Variants in ATXN7 observed in about 807,000 individuals in gnomAD.
ATXN7 encodes ataxin-7.
A neutral mutation model predicts 70.5 loss-of-function variants in ATXN7; 12 were observed. The observed-to-expected ratio is 0.17, with a 90% CI of 0.11 to 0.28. The LOEUF is 0.28. Ranked by LOEUF, ATXN7 falls within the 10% of genes least tolerant of loss-of-function variation. The probability of loss-of-function intolerance (pLI) is 1.00; values close to 1 mark genes in which losing one functional copy is unlikely to be tolerated. For missense variants in ATXN7, 1,256 were observed against 1,131.7 expected (o/e 1.11, Z -1.58); for synonymous variants, 498 against 448.7 (o/e 1.11, Z -1.39).
intron 5 of ATXN7, among the ~76,000 whole-genome samples, chr3:63,967,254 C>T (rs1327922911): frequency 4.6e-5 from 7 of 152,088 alleles, no homozygotes; most frequent in Admixed American, 4.6e-4. Flanking sequence ...TTAGTCAGTC[C>T]TCTAGTGATT....
At chr3:63,952,905 C>G (rs927796877) in intron 5 of ATXN7, among the ~76,000 whole-genome samples, 12 of 106,340 alleles carry the variant, frequency 1.1e-4, no homozygotes, top group African/African-American at 4.5e-4. Context: ...TTCAATAGTT[C>G]TAAATATTGG....
At chr3:63,975,973 C>G (rs1015901753) in intron 5 of ATXN7, among the ~76,000 whole-genome samples, 1 of 152,208 alleles carries the variant, frequency 6.6e-6, no homozygotes, top group Non-Finnish European at 1.5e-5. Context: ...ATTCATCATG[C>G]CCTCCTCATT....
intron 1 of ATXN7, among the ~76,000 whole-genome samples, chr3:63,870,704 C>T (rs1373880428): frequency 6.6e-6 from 1 of 152,076 alleles, no homozygotes; most frequent in Non-Finnish European, 1.5e-5. Flanking sequence ...GCTTAATGTT[C>T]CTATTAATCC....
chr3:63,870,981 T>G (rs1702576576), intron 1 of ATXN7, among the ~76,000 whole-genome samples: 1 of 152,294 alleles, frequency 6.6e-6, no homozygotes, highest in Admixed American at 6.5e-5. Context: ...TTCTTTTAGT[T>G]TCACCTTTTC....
chr3:63,895,735 TTCTCTC>T, intron 1 of ATXN7, among the ~76,000 whole-genome samples: 1 of 151,544 alleles, frequency 6.6e-6, no homozygotes, highest in East Asian at 1.9e-4. Flanking sequence ...CTTTCTCCTT[TTCTCTC>T]TCTCTCTCTT....
At chr3:63,944,228 C>T (rs1430087820) in intron 4 of ATXN7, among the ~76,000 whole-genome samples, 1 of 152,142 alleles carries the variant, frequency 6.6e-6, no homozygotes, top group Admixed American at 6.5e-5. Context: ...AGTACTGAAT[C>T]CTATATATAC....
intron 1 of ATXN7, among the ~76,000 whole-genome samples, chr3:63,874,446 C>G (rs568506425): frequency 2.0e-5 from 3 of 152,342 alleles, no homozygotes; most frequent in African/African-American, 7.2e-5. Flanking sequence ...AACCACACTT[C>G]AAATGATAAA....
At chr3:63,954,051 G>A (rs951102333) in intron 5 of ATXN7, among the ~76,000 whole-genome samples, 2 of 152,104 alleles carry the variant, frequency 1.3e-5, no homozygotes, top group African/African-American at 2.4e-5. Context: ...TTTTTTCAAG[G>A]AATAATAAAT....
At chr3:63,877,087 T>C (rs1702766684) in intron 1 of ATXN7, among the ~76,000 whole-genome samples, 1 of 152,188 alleles carries the variant, frequency 6.6e-6, no homozygotes, top group African/African-American at 2.4e-5. Flanking sequence ...GCAAAGTCCA[T>C]AGAATGATTG....
At chr3:63,963,754 C>G (rs1018768034) in intron 5 of ATXN7, among the ~76,000 whole-genome samples, 3 of 152,184 alleles carry the variant, frequency 2.0e-5, no homozygotes, top group African/African-American at 7.2e-5. Context: ...CTGCCAGGCC[C>G]TCTATGGACA....
At position 63,873,885 on chromosome 3, in the gene ATXN7, C is replaced by G. The variant is rs1482245895; in HGVS notation, c.-111+9727C>G. 6 of 150,494 alleles carry G rather than the reference C, an allele frequency of 4.0e-5. No individual in the cohort carries two copies. In the South Asian group the frequency reaches 1.3e-3, roughly 31 times the overall value. 9.3% of individuals were successfully genotyped at this position (150,494 alleles called of 1,614,324 possible). The stretch of plus-strand genomic sequence containing the variant: ...AACCTGGCTAATACATTTTTTTTTT[C>G]TTTTTTGTAGAGACTGTGTTATCTA... On this transcript the variant is annotated intron_variant, in intron 1 of 12. Coordinates refer to ENST00000674280, the MANE Select transcript of ATXN7 (RefSeq NM_001377405.1).
At chr3:63,993,808 G>A (rs1189199702) in intron 11 of ATXN7, among the ~76,000 whole-genome samples, 1 of 152,136 alleles carries the variant, frequency 6.6e-6, no homozygotes, top group Non-Finnish European at 1.5e-5. Context: ...TGGTGGTCAT[G>A]AGAAGCCACT....
chr3:63,992,549 A>G (rs771095062), intron 11 of ATXN7, among the ~76,000 whole-genome samples: 2 of 152,188 alleles, frequency 1.3e-5, no homozygotes, highest in Non-Finnish European at 2.9e-5. Context: ...TATCCACATT[A>G]TGTTGGTATG....
intron 1 of ATXN7, among the ~76,000 whole-genome samples, chr3:63,887,151 G>A (rs1300325256): frequency 6.6e-6 from 1 of 152,184 alleles, no homozygotes; most frequent in African/African-American, 2.4e-5. Flanking sequence ...TGACGAACTG[G>A]TATTGAGCCC....
chr3:63,985,990 A>G (rs1315633943), intron 8 of ATXN7, among the ~76,000 whole-genome samples: 1 of 152,230 alleles, frequency 6.6e-6, no homozygotes, highest in African/African-American at 2.4e-5. Context: ...AGATGAGAGG[A>G]CTACATTATG....
At chr3:63,878,499 C>A (rs192891069) in intron 1 of ATXN7, 1 of 152,334 alleles carries the variant, frequency 6.6e-6, no homozygotes, top group East Asian at 1.9e-4. Context: ...AGATGAATAA[C>A]CATTGTGATA....
At chr3:63,894,872 T>A (rs1257285521) in intron 1 of ATXN7, among the ~76,000 whole-genome samples, 1 of 152,158 alleles carries the variant, frequency 6.6e-6, no homozygotes, top group African/African-American at 2.4e-5. Flanking sequence ...TAAATCTCTC[T>A]TGGTTTTCAG....
At chr3:63,914,539 G>A (rs1463421845) in intron 4 of ATXN7, among the ~76,000 whole-genome samples, 3 of 152,156 alleles carry the variant, frequency 2.0e-5, no homozygotes, top group African/African-American at 7.2e-5. Flanking sequence ...CAGCCTGCCT[G>A]GGCTTAAAAA....
chr3:63,920,310 A>G (rs1468889338), intron 4 of ATXN7, among the ~76,000 whole-genome samples: 5 of 152,184 alleles, frequency 3.3e-5, no homozygotes, highest in Non-Finnish European at 5.9e-5. Context: ...TGAGGTATTT[A>G]TAAATCACAG....
Sources: gnomAD v4.1 joint callset for allele counts (sites outside exome capture counted in the v4.1 genomes callset) on GRCh38, gnomAD v4.1.1 for gene constraint, MANE v1.5 for transcripts, NCBI Gene and HGNC (gene_info 2026-07-23, HGNC 2026-07-21) for gene names.